TMEM167A: variants seen among roughly 807,000 people sequenced by gnomAD.
The protein encoded by TMEM167A is transmembrane protein 167A.
TMEM167A carries 8 observed loss-of-function variants against 11.6 expected under a neutral mutation model. That is an observed-to-expected ratio of 0.69 (90% CI 0.40 to 1.24). TMEM167A has a LOEUF of 1.24. TMEM167A is among the 50% of genes most tolerant of loss of function. The probability of loss-of-function intolerance (pLI) is 0.01; values close to 1 mark genes in which losing one functional copy is unlikely to be tolerated. For missense variants in TMEM167A, 62 were observed against 87.0 expected (o/e 0.71, Z 1.14); for synonymous variants, 22 against 28.0 (o/e 0.79, Z 0.67).
At chr5:83,073,005 G>C (rs966339717) in intron 1 of TMEM167A, among the ~76,000 whole-genome samples, 3 of 152,312 alleles carry the variant, frequency 2.0e-5, no homozygotes, top group Admixed American at 6.5e-5. Context: ...TATCTGAACT[G>C]CTACCTCCTC....
intron 1 of TMEM167A, among the ~76,000 whole-genome samples, chr5:83,073,298 A>G (rs929048263): frequency 8.5e-5 from 13 of 152,210 alleles, no homozygotes; most frequent in African/African-American, 2.7e-4. Flanking sequence ...GCCCTCACTT[A>G]ACGTCATCCA....
At chr5:83,070,743 TTTTA>T (rs1470499230) in intron 1 of TMEM167A, among the ~76,000 whole-genome samples, 3 of 152,282 alleles carry the variant, frequency 2.0e-5, no homozygotes, top group East Asian at 1.9e-4. Context: ...TTTAAAATCA[TTTTA>T]TTTATTAAGA....
rs1415660019 is a variant in TMEM167A at position 83,053,492 on chromosome 5, G to A, written c.*3592C>T. The stretch of plus-strand genomic sequence containing the variant: ...TACTGTATTCCTAGTCCAAAATAAG[G>A]TAGGCATGAATATATTCAACCTTCT... On this transcript the variant is annotated 3_prime_UTR_variant, in exon 4 of 4. Coordinates refer to ENST00000502346, the MANE Select transcript of TMEM167A (RefSeq NM_174909.5). The A allele has an allele frequency of 2.0e-5, 3 of 151,958 alleles. No individual in the cohort carries two copies. Among genetic ancestry groups the A allele is most frequent in the African/African-American group, 7.2e-5 (3 of 41,410 alleles). 9.4% of individuals were successfully genotyped at this position (151,958 alleles called of 1,614,324 possible). A position where few individuals can be genotyped will look rare whatever the true frequency, so the allele number is the denominator to read the frequency against.
chr5:83,058,013 GA>G (rs1299422345), intron 3 of TMEM167A, among the ~76,000 whole-genome samples: 2 of 152,242 alleles, frequency 1.3e-5, no homozygotes, highest in East Asian at 1.9e-4. Context: ...AAAGGAAGAA[GA>G]AACTACTTCT....
At chr5:83,066,906 C>T (rs1744491655) in intron 1 of TMEM167A, among the ~76,000 whole-genome samples, 1 of 152,164 alleles carries the variant, frequency 6.6e-6, no homozygotes, top group Admixed American at 6.5e-5. Flanking sequence ...CCCTCCTTTT[C>T]ACCAGGTCTG....
Position 83,064,899 on chromosome 5 carries a change from T to C in TMEM167A, c.113+109A>G, listed in dbSNP as rs112108486. Reference sequence around the variant, plus strand: ...AGGAAGAAAATGAAAAAAGTTATTATAAAACCAAATTACATGTAGGAATTA... The same window carrying C: ...AGGAAGAAAATGAAAAAAGTTATTACAAAACCAAATTACATGTAGGAATTA... On this transcript the variant is annotated intron_variant, in intron 2 of 3. Transcript: ENST00000502346. The C allele has an allele frequency of 7.8e-4, 526 of 677,638 alleles. 1 individual carries two copies. The African/African-American group carries it at 8.7e-3, about 11-fold the overall frequency. The allele number at this position is 677,638 out of a possible 1,614,324, so 42.0% of individuals were successfully genotyped here. A position where few individuals can be genotyped will look rare whatever the true frequency, so the allele number is the denominator to read the frequency against.
rs148241526 is a variant in TMEM167A at position 83,073,924 on chromosome 5, A to G, written c.3+3397T>C. Reference sequence around the variant, plus strand: ...CCCAACTGCTCATCAGAGTTGAGACATTCAATCATTGTATACCTGAACTAC... The same window carrying G: ...CCCAACTGCTCATCAGAGTTGAGACGTTCAATCATTGTATACCTGAACTAC... On this transcript the variant is annotated intron_variant, in intron 1 of 3. Coordinates refer to ENST00000502346, the MANE Select transcript of TMEM167A (RefSeq NM_174909.5). 7.2e-5 allele frequency among the ~76,000 whole-genome samples: 11 copies of G among 152,312 alleles called. No individual in the cohort carries two copies. The East Asian group carries it at 2.1e-3, about 29-fold the overall frequency.
chr5:83,064,824 C>T (rs937249750), intron 2 of TMEM167A, among the ~76,000 whole-genome samples, 184 bp downstream of exon 2: 3 of 151,888 alleles, frequency 2.0e-5, no homozygotes, highest in African/African-American at 7.2e-5. Flanking sequence ...CTGAAATTTA[C>T]CTTTTAATTT....
Position 83,056,634 on chromosome 5 carries a change from C to T in TMEM167A, c.*450G>A, listed in dbSNP as rs1275699285. ...GGTGTGCCCAGAGGAAAAGCAAGCA[C>T]TATTAAATATTAATGCAATCCTTAT... On this transcript the variant is annotated 3_prime_UTR_variant, in exon 4 of 4. Coordinates refer to ENST00000502346, the MANE Select transcript of TMEM167A (RefSeq NM_174909.5). The T allele has an allele frequency of 5.1e-6, 1 of 197,976 alleles. No homozygotes were observed. The highest frequency in any genetic ancestry group is 1.0e-5 in the Non-Finnish European group (1 of 98,416). The allele number at this position is 197,976 out of a possible 1,614,324, so 12.3% of individuals were successfully genotyped here.
At chr5:83,076,945 C>T (rs1012772057) in intron 1 of TMEM167A, among the ~76,000 whole-genome samples, 1 of 152,184 alleles carries the variant, frequency 6.6e-6, no homozygotes, top group African/African-American at 2.4e-5. Context: ...CAAACAATAA[C>T]ACCAGAGTAA....
At chr5:83,069,162 CAAAT>C (rs529317403) in intron 1 of TMEM167A, among the ~76,000 whole-genome samples, 25 of 152,050 alleles carry the variant, frequency 1.6e-4, no homozygotes, top group Non-Finnish European at 3.4e-4. Context: ...AAGTTTAAAA[CAAAT>C]AATCTTAGGT....
intron 3 of TMEM167A, 56 bp from the exon 4 acceptor site, chr5:83,057,210 G>C (rs1291351787): frequency 6.7e-7 from 1 of 1,484,656 alleles, no homozygotes; most frequent in African/African-American, 1.4e-5. Flanking sequence ...ACCTGGCTAT[G>C]ACAAGGTTAT....
chr5:83,070,773 T>C (rs1044201090), intron 1 of TMEM167A, among the ~76,000 whole-genome samples: 1 of 152,174 alleles, frequency 6.6e-6, no homozygotes, highest in Non-Finnish European at 1.5e-5. Flanking sequence ...TTTCTCATTT[T>C]CAGAGTCATT....
In TMEM167A at chr5:83,056,858, T is replaced by C. The variant is rs1744339626; in HGVS notation, c.*226A>G. 1 of 560,974 alleles carries C rather than the reference T, an allele frequency of 1.8e-6. No individual in the cohort carries two copies. Among genetic ancestry groups the C allele is most frequent in the Non-Finnish European group, 3.2e-6 (1 of 316,976 alleles). 34.7% of individuals were successfully genotyped at this position (560,974 alleles called of 1,614,324 possible). A position where few individuals can be genotyped will look rare whatever the true frequency, so the allele number is the denominator to read the frequency against. On this transcript the variant is annotated 3_prime_UTR_variant, in exon 4 of 4. Coordinates refer to ENST00000502346, the MANE Select transcript of TMEM167A (RefSeq NM_174909.5). ...ATAACATTTGCAGAATGTAATATTG[T>C]AGTGACAGTACTGAGGTTGATTGTT...
intron 2 of TMEM167A, 46 bp from the exon 3 acceptor site, chr5:83,061,957 A>C (rs1363150388): frequency 1.3e-6 from 2 of 1,485,704 alleles, no homozygotes; most frequent in Non-Finnish European, 9.4e-7. Context: ...GATTACTCGG[A>C]AAGGTAAATT....
At chr5:83,068,856 A>G (rs938735510) in intron 1 of TMEM167A, among the ~76,000 whole-genome samples, 1 of 152,200 alleles carries the variant, frequency 6.6e-6, no homozygotes, top group East Asian at 1.9e-4. Context: ...TAAAGAAAAC[A>G]TGCTTAAATG....
intron 3 of TMEM167A, among the ~76,000 whole-genome samples, chr5:83,058,047 C>T (rs1035935276): frequency 5.9e-5 from 9 of 152,092 alleles, no homozygotes; most frequent in African/African-American, 2.2e-4. Flanking sequence ...GGGTATGTGC[C>T]TGGCATCCTC....
In TMEM167A at chr5:83,053,334, G is replaced by A. The variant is rs1053978774; in HGVS notation, c.*3750C>T. The A allele has an allele frequency of 6.6e-6, 1 of 151,828 alleles. No individual in the cohort carries two copies. Among genetic ancestry groups the A allele is most frequent in the African/African-American group, 2.4e-5 (1 of 41,372 alleles). The allele number at this position is 151,828 out of a possible 1,614,324, so 9.4% of individuals were successfully genotyped here. Reference sequence around the variant, plus strand: ...GCAACCATCACTGCTTCTTGTGCAGGTGTGTGCTTTAACAATCAGGGCTGC... The same window carrying A: ...GCAACCATCACTGCTTCTTGTGCAGATGTGTGCTTTAACAATCAGGGCTGC... On this transcript the variant is annotated 3_prime_UTR_variant, in exon 4 of 4. Coordinates refer to ENST00000502346, the MANE Select transcript of TMEM167A (RefSeq NM_174909.5).
At chr5:83,073,390 G>A (rs1744591870) in intron 1 of TMEM167A, among the ~76,000 whole-genome samples, 1 of 152,182 alleles carries the variant, frequency 6.6e-6, no homozygotes, top group African/African-American at 2.4e-5. Flanking sequence ...ATAAACAAGA[G>A]TTAAGTTCCG....
Sources: allele counts gnomAD v4.1 joint callset (sites outside exome capture counted in the v4.1 genomes callset), GRCh38; gene constraint gnomAD v4.1.1; transcripts MANE v1.5; gene names NCBI Gene and HGNC (gene_info 2026-07-23, HGNC 2026-07-21).